ADH7: variants seen among roughly 807,000 people sequenced by gnomAD.
ADH7 encodes all-trans-retinol dehydrogenase [NAD(+)] ADH7.
A neutral mutation model predicts 34.4 loss-of-function variants in ADH7; 41 were observed. That is an observed-to-expected ratio of 1.19 (90% CI 0.93 to 1.55). The LOEUF (loss-of-function observed/expected upper bound fraction) is 1.55, where lower values mean the gene tolerates loss of function less well. Ranked by LOEUF, ADH7 falls within the 40% of genes most tolerant of loss-of-function variation. The pLI, the probability that ADH7 is intolerant of heterozygous loss-of-function variation, is 0.00. For missense variants in ADH7, 540 were observed against 461.2 expected (o/e 1.17, Z -1.56); for synonymous variants, 180 against 160.9 (o/e 1.12, Z -0.90).
intron 5 of ADH7, among the ~76,000 whole-genome samples, chr4:99,421,233 C>G (rs1345641689): frequency 6.6e-6 from 1 of 152,152 alleles, no homozygotes; most frequent in Non-Finnish European, 1.5e-5. Flanking sequence ...AGGCATCATG[C>G]TACCAGCCTT....
intron 7 of ADH7, among the ~76,000 whole-genome samples, chr4:99,417,099 C>G (rs1177343593): frequency 6.6e-6 from 1 of 152,134 alleles, no homozygotes; most frequent in Non-Finnish European, 1.5e-5. Flanking sequence ...ATGACTTCTT[C>G]CATGCTCTCC....
At chr4:99,423,889 C>A (rs1183344033) in intron 5 of ADH7, among the ~76,000 whole-genome samples, 2 of 152,112 alleles carry the variant, frequency 1.3e-5, no homozygotes, top group East Asian at 3.9e-4. Context: ...TTAATTAGAT[C>A]CCATTTGTCA....
At chr4:99,415,678 T>C in intron 7 of ADH7, 62 bp from the exon 8 acceptor site, 2 of 1,511,936 alleles carry the variant, frequency 1.3e-6, no homozygotes, top group Non-Finnish European at 1.8e-6. Flanking sequence ...TTTTATTATG[T>C]TATATTTATT....
rs757198627 is a variant in ADH7, at chr4:99,420,773, G to A, written c.585C>T (p.Cys195=). ...KTGKVKPGST[C]VVFGLGGVGL... is the part of the protein sequence containing the mutation. ...CAACTCCTCCCAGGCCAAAGACGAC[G>A]CAAGTGGAACCAGGTTTGACCTGTG... The change falls in exon 6 of 9, where the codon TGC becomes TGT. Residue 195 remains cysteine (C), a synonymous_variant. Transcript: ENST00000437033. The A allele has an allele frequency of 2.5e-5, 41 of 1,613,770 alleles. No homozygotes were observed. The highest frequency in any genetic ancestry group is 3.2e-5 in the Non-Finnish European group (38 of 1,179,872).
chr4:99,429,535 A>C lies in ADH7; in HGVS notation c.117T>G (p.Ile39Met). ...VAPPKTKEVRIKILATGICRT... is the reference protein window; with the variant it reads ...VAPPKTKEVRMKILATGICRT... ...GTTCTCTAGGGCTCACGCTTACCTT[A>C]ATGCGAACTTCTTTAGTCTTTGGTG... is the stretch of plus-strand genomic sequence containing the variant. Residue 39 changes from isoleucine to methionine, a missense_variant, in exon 2 of 9, where the codon ATT becomes ATG. Transcript: ENST00000437033. 6.2e-7 allele frequency: 1 copy of C among 1,609,838 alleles called. No individual in the cohort carries two copies. The highest frequency in any genetic ancestry group is 8.5e-7 in the Non-Finnish European group (1 of 1,177,430).
chr4:99,426,791 C>T (rs545849245), intron 5 of ADH7, among the ~76,000 whole-genome samples: 1 of 152,266 alleles, frequency 6.6e-6, no homozygotes, highest in East Asian at 1.9e-4. Flanking sequence ...CCTTGATGAA[C>T]ATTGATGCAA....
chr4:99,433,110 T>C (rs113254366), intron 1 of ADH7, among the ~76,000 whole-genome samples: 184 of 152,320 alleles, frequency 1.2e-3, no homozygotes, highest in African/African-American at 4.1e-3. Flanking sequence ...TTTAAGGATG[T>C]TGTGGCATGT....
chr4:99,418,324 T>A (rs1399950051), intron 7 of ADH7, among the ~76,000 whole-genome samples: 1 of 152,172 alleles, frequency 6.6e-6, no homozygotes, highest in African/African-American at 2.4e-5. Context: ...CTTGAATAGT[T>A]ACTATTCTCT....
chr4:99,420,464 CA>C (rs1331432725), intron 6 of ADH7, 68 bp downstream of exon 6: 90 of 1,477,410 alleles, frequency 6.1e-5, no homozygotes, highest in East Asian at 4.6e-5. Context: ...AAGTTATAGA[CA>C]ATTAAATTTA....
intron 6 of ADH7, 24 bp from the exon 7 acceptor site, chr4:99,419,145 G>T (rs756177333): frequency 6.2e-7 from 1 of 1,608,138 alleles, no homozygotes; most frequent in Non-Finnish European, 8.5e-7. Context: ...GGAGGAGATC[G>T]TTTGCTTCCT....
intron 1 of ADH7, among the ~76,000 whole-genome samples, chr4:99,434,776 A>AT (rs1240885399): frequency 7.9e-5 from 12 of 152,124 alleles, no homozygotes; most frequent in Non-Finnish European, 1.8e-4. Flanking sequence ...CAGAATTAGC[A>AT]TTTTCCATTC....
At chr4:99,415,453 C>T in intron 8 of ADH7, 25 bp downstream of exon 8, 1 of 1,605,170 alleles carries the variant, frequency 6.2e-7, no homozygotes. Flanking sequence ...GGAGAAGAGA[C>T]AAGATCATCA....
chr4:99,416,826 A>G (rs1721529760), intron 7 of ADH7, among the ~76,000 whole-genome samples: 1 of 152,102 alleles, frequency 6.6e-6, no homozygotes, highest in Non-Finnish European at 1.5e-5. Flanking sequence ...CACAAGTGTA[A>G]CCTGCCCCAA....
At chr4:99,433,760 T>C (rs570051973) in intron 1 of ADH7, among the ~76,000 whole-genome samples, 1 of 152,248 alleles carries the variant, frequency 6.6e-6, no homozygotes, top group African/African-American at 2.4e-5. Context: ...AAACCAACCC[T>C]GATGACACCT....
intron 6 of ADH7, 146 bp from the exon 7 acceptor site, chr4:99,419,267 A>G: frequency 1.0e-6 from 1 of 971,714 alleles, no homozygotes; most frequent in Non-Finnish European, 1.5e-6. Context: ...ATTTCAGTGC[A>G]ACTTTAGTCC....
chr4:99,420,358 T>A (rs1202027711), intron 6 of ADH7, among the ~76,000 whole-genome samples, 175 bp downstream of exon 6: 1 of 152,216 alleles, frequency 6.6e-6, no homozygotes, highest in Non-Finnish European at 1.5e-5. Flanking sequence ...TGCTCTTAAG[T>A]GTTTGACTTT....
chr4:99,412,803 G>A lies in ADH7; in HGVS notation c.*345C>T, dbSNP rs1173748932. 1.9e-5 allele frequency: 4 copies of A among 207,584 alleles called. No homozygotes were observed. The highest frequency in any genetic ancestry group is 1.1e-4 in the East Asian group (1 of 8,914). 12.9% of individuals were successfully genotyped at this position (207,584 alleles called of 1,614,324 possible). ...AGATGCATTTACTATATCTTTATAC[G>A]CTATATCTGTTTTGAGTTATATATC... On this transcript the variant is annotated 3_prime_UTR_variant, in exon 9 of 9. Transcript: ENST00000437033.
intron 7 of ADH7, among the ~76,000 whole-genome samples, chr4:99,418,738 G>A (rs1721578621): frequency 6.6e-6 from 1 of 152,274 alleles, no homozygotes; most frequent in East Asian, 1.9e-4. Context: ...CACTACTGGT[G>A]TCTCTCATTC....
intron 5 of ADH7, among the ~76,000 whole-genome samples, chr4:99,426,689 A>T (rs1353936419): frequency 2.6e-5 from 4 of 152,198 alleles, no homozygotes; most frequent in Admixed American, 6.5e-5. Flanking sequence ...AAAAAGAGGG[A>T]ATCCTCCCTA....
Sources: allele counts gnomAD v4.1 joint callset (sites outside exome capture counted in the v4.1 genomes callset), GRCh38; gene constraint gnomAD v4.1.1; transcripts MANE v1.5; gene names NCBI Gene and HGNC (gene_info 2026-07-23, HGNC 2026-07-21).